Variants in USP6NL observed in about 807,000 individuals in gnomAD.
USP6NL encodes USP6 N-terminal like.
USP6NL carries 26 observed loss-of-function variants against 61.9 expected under a neutral mutation model. That is an observed-to-expected ratio of 0.42 (90% CI 0.31 to 0.58). USP6NL has a LOEUF of 0.58. Ranked by LOEUF, USP6NL falls within the 20% of genes least tolerant of loss-of-function variation. The pLI, the probability that USP6NL is intolerant of heterozygous loss-of-function variation, is 0.16. For synonymous variants in USP6NL, 432 were observed against 390.1 expected (o/e 1.11, Z -1.27); for missense variants, 1,114 against 1,034.3 (o/e 1.08, Z -1.06).
intron 10 of USP6NL, among the ~76,000 whole-genome samples, chr10:11,488,227 C>G (rs1833558232): frequency 6.6e-6 from 1 of 152,062 alleles, no homozygotes; most frequent in Non-Finnish European, 1.5e-5. Flanking sequence ...GCCTACTCAA[C>G]ATAAGGAGAC....
chr10:11,545,276 G>C (rs1249457548), intron 2 of USP6NL, among the ~76,000 whole-genome samples: 6 of 151,922 alleles, frequency 3.9e-5, no homozygotes, highest in Non-Finnish European at 8.8e-5. Context: ...GGAGGATTTG[G>C]GGTAAGGTCC....
intron 7 of USP6NL, among the ~76,000 whole-genome samples, chr10:11,497,476 T>C (rs1833987205): frequency 6.6e-6 from 1 of 151,176 alleles, no homozygotes; most frequent in African/African-American, 2.4e-5. Context: ...GTTTCAACTG[T>C]TGTTCTACAG....
intron 2 of USP6NL, among the ~76,000 whole-genome samples, chr10:11,568,342 T>G (rs1837242937): frequency 6.6e-6 from 1 of 152,110 alleles, no homozygotes; most frequent in Admixed American, 6.6e-5. Flanking sequence ...ACATTATAGA[T>G]AGTAAACACC....
chr10:11,555,437 T>A (rs11257168), intron 2 of USP6NL, among the ~76,000 whole-genome samples: 756 of 50,924 alleles, frequency 0.015, 3 homozygotes, highest in East Asian at 0.025. Flanking sequence ...AAAAAAAATA[T>A]ATATATATAT....
chr10:11,504,878 C>T (rs1417671868), intron 6 of USP6NL, among the ~76,000 whole-genome samples: 1 of 152,176 alleles, frequency 6.6e-6, no homozygotes, highest in Non-Finnish European at 1.5e-5. Context: ...GAGACAGACT[C>T]CCCAGTGAGC....
rs538301771 is a variant in USP6NL, at chr10:11,583,964, G to A, written c.4+13667C>T. ...GAATCGCTTGAACCCAGGAGTCAGAGGTTGCAGTGAGGCGAGATCACGTCA... is the reference window on the plus strand; with the variant it reads ...GAATCGCTTGAACCCAGGAGTCAGAAGTTGCAGTGAGGCGAGATCACGTCA... On this transcript the variant is annotated intron_variant, in intron 2 of 14. Transcript: ENST00000609104. Among the ~76,000 whole-genome samples, 53 of 152,268 alleles carry A rather than the reference G, an allele frequency of 3.5e-4. 1 individual carries two copies. The South Asian group carries it at 0.011, about 30-fold the overall frequency.
rs34389784 is a variant in USP6NL at position 11,565,920 on chromosome 10, T to C, written c.4+31711A>G. Among the ~76,000 whole-genome samples the C allele has an allele frequency of 8.6e-3, 1,195 of 139,066 alleles. 3 individuals are homozygous for C. The highest frequency in any genetic ancestry group is 0.015 in the South Asian group (66 of 4,486). The allele number at this position is 139,066 out of a possible 152,430, so 91.2% of individuals were successfully genotyped here. On this transcript the variant is annotated intron_variant, in intron 2 of 14. Coordinates refer to ENST00000609104, the MANE Select transcript of USP6NL (RefSeq NM_014688.5). Reference sequence around the variant, plus strand: ...AGCAATACTGATTGCAATTCAAATATTGAAGATTCTTACTCTTCAACCAGC... The same window carrying C: ...AGCAATACTGATTGCAATTCAAATACTGAAGATTCTTACTCTTCAACCAGC...
intron 2 of USP6NL, among the ~76,000 whole-genome samples, chr10:11,559,101 T>C (rs532497897): frequency 6.6e-6 from 1 of 152,270 alleles, no homozygotes; most frequent in South Asian, 2.1e-4. Context: ...CCAAGTGTAA[T>C]AGAGCAACAA....
chr10:11,508,916 A>C (rs1383721831), intron 6 of USP6NL, among the ~76,000 whole-genome samples: 1 of 152,242 alleles, frequency 6.6e-6, no homozygotes, highest in Non-Finnish European at 1.5e-5. Flanking sequence ...TAACTGACAC[A>C]GTATTTATTG....
At position 11,510,756 on chromosome 10, in the gene USP6NL, T is replaced by C. The variant is rs956382249; in HGVS notation, c.196-1081A>G. ...GCTCACTGCAACCCCACGAGGTAGGTATGATTGTCACCATTTTACAATGAG... is the reference window on the plus strand; with the variant it reads ...GCTCACTGCAACCCCACGAGGTAGGCATGATTGTCACCATTTTACAATGAG... On this transcript the variant is annotated intron_variant, in intron 5 of 14. Coordinates refer to ENST00000609104, the MANE Select transcript of USP6NL (RefSeq NM_014688.5). The surrounding 1 kb of genome is among the most constrained non-coding windows in gnomAD (Gnocchi z 4.8). Among the ~76,000 whole-genome samples, 1 of 152,248 alleles carries C rather than the reference T, an allele frequency of 6.6e-6. No individual in the cohort carries two copies. Among genetic ancestry groups the C allele is most frequent in the African/African-American group, 2.4e-5 (1 of 41,472 alleles).
intron 1 of USP6NL, among the ~76,000 whole-genome samples, chr10:11,608,625 G>A (rs956196989): frequency 6.6e-6 from 1 of 152,034 alleles, no homozygotes; most frequent in African/African-American, 2.4e-5. Context: ...ACCAAGTTAG[G>A]TTCCCTAGGT....
At chr10:11,545,022 A>G (rs1443707109) in intron 2 of USP6NL, among the ~76,000 whole-genome samples, 1 of 152,240 alleles carries the variant, frequency 6.6e-6, no homozygotes, top group Non-Finnish European at 1.5e-5. Flanking sequence ...TGGGGAGATT[A>G]AATCTAGGTG....
chr10:11,547,564 C>CGG (rs1283238980), intron 2 of USP6NL, among the ~76,000 whole-genome samples: 8 of 136,672 alleles, frequency 5.9e-5, no homozygotes, highest in South Asian at 2.2e-4. Flanking sequence ...TTTTTTGAGA[C>CGG]AGTCTCACTC....
intron 2 of USP6NL, among the ~76,000 whole-genome samples, chr10:11,594,225 A>G (rs1838248078): frequency 6.6e-6 from 1 of 152,208 alleles, no homozygotes; most frequent in African/African-American, 2.4e-5. Flanking sequence ...TTGGTACAGT[A>G]GTCTACTAAG....
At chr10:11,516,947 T>A (rs1225050002) in intron 5 of USP6NL, among the ~76,000 whole-genome samples, 1 of 152,216 alleles carries the variant, frequency 6.6e-6, no homozygotes, top group Non-Finnish European at 1.5e-5. Context: ...CCTCCCCATT[T>A]ATTGAATCAT....
Position 11,510,076 on chromosome 10 carries a change from G to A in USP6NL, c.196-401C>T, listed in dbSNP as rs1003525799. Reference sequence around the variant, plus strand: ...TAGTATATTGTTGTTTTTAGCGAGAGTTTTTTAAAGGAAAAGTGGCTGTTT... The same window carrying A: ...TAGTATATTGTTGTTTTTAGCGAGAATTTTTTAAAGGAAAAGTGGCTGTTT... On this transcript the variant is annotated intron_variant, in intron 5 of 14. Coordinates refer to ENST00000609104, the MANE Select transcript of USP6NL (RefSeq NM_014688.5). This position sits in a 1 kb window ranked among gnomAD's most constrained non-coding sequence, Gnocchi z 4.8. Among the ~76,000 whole-genome samples, 1 of 152,160 alleles carries A rather than the reference G, an allele frequency of 6.6e-6. No homozygotes were observed. The highest frequency in any genetic ancestry group is 1.5e-5 in the Non-Finnish European group (1 of 68,026).
rs1287583410 is a variant in USP6NL, at chr10:11,465,978, T to C, written c.1079-2129A>G. Among the ~76,000 whole-genome samples the C allele has an allele frequency of 2.0e-5, 3 of 152,176 alleles. No individual in the cohort carries two copies. Among genetic ancestry groups the C allele is most frequent in the Non-Finnish European group, 4.4e-5 (3 of 68,034 alleles). ...AAACTACAGTGATTATAATAAAATG[T>C]ATTTTATACAACCCCATCAAAAAAA... is the stretch of plus-strand genomic sequence containing the variant. On this transcript the variant is annotated intron_variant, in intron 14 of 14. Coordinates refer to ENST00000609104, the MANE Select transcript of USP6NL (RefSeq NM_014688.5). This position sits in a 1 kb window ranked among gnomAD's most constrained non-coding sequence, Gnocchi z 4.5.
chr10:11,589,859 C>T lies in USP6NL; in HGVS notation c.4+7772G>A, dbSNP rs72777673. Among the ~76,000 whole-genome samples the T allele has an allele frequency of 3.4e-3, 511 of 152,270 alleles. 2 individuals carry two copies. The highest frequency in any genetic ancestry group is 6.0e-3 in the Non-Finnish European group (406 of 68,024). On this transcript the variant is annotated intron_variant, in intron 2 of 14. Transcript: ENST00000609104. The surrounding 1 kb of genome is among the most constrained non-coding windows in gnomAD (Gnocchi z 4.7). ...CCTGAATGCTACCAATGTGTGAGAA[C>T]AAAATCAAACCGGTGCCGCTCCAGG...
chr10:11,562,447 C>T lies in USP6NL; in HGVS notation c.5-34880G>A. On this transcript the variant is annotated intron_variant, in intron 2 of 14. Transcript: ENST00000609104. The surrounding 1 kb of genome is among the most constrained non-coding windows in gnomAD (Gnocchi z 4.8). ...CTTGGACCTAAGGATGAAGACGCAG[C>T]AGTCATCACGTATCTCTGAGGACAA... 4 of 985,322 alleles carry T rather than the reference C, an allele frequency of 4.1e-6. No individual in the cohort carries two copies. Among genetic ancestry groups the T allele is most frequent in the Non-Finnish European group, 4.8e-6 (4 of 829,924 alleles). The allele number at this position is 985,322 out of a possible 1,614,324, so 61.0% of individuals were successfully genotyped here. A position where few individuals can be genotyped will look rare whatever the true frequency, so the allele number is the denominator to read the frequency against.
Sources: gnomAD v4.1 joint callset for allele counts (sites outside exome capture counted in the v4.1 genomes callset) on GRCh38, gnomAD v4.1.1 for gene constraint, Gnocchi (gnomAD v3.1) non-coding constraint, MANE v1.5 for transcripts, NCBI Gene and HGNC (gene_info 2026-07-23, HGNC 2026-07-21) for gene names.